The following KIFAP3 variants were observed in gnomAD, a reference collection of about 807,000 sequenced individuals.
The protein encoded by KIFAP3 is kinesin associated protein 3.
Under a neutral mutation model 106.5 loss-of-function variants are expected in KIFAP3, and 68 were observed. The observed-to-expected ratio is 0.64, with a 90% CI of 0.53 to 0.78. The LOEUF is 0.78. Ranked by LOEUF, KIFAP3 falls within the 30% of genes least tolerant of loss-of-function variation. The pLI is 0.00. For synonymous variants in KIFAP3, 320 were observed against 311.5 expected (o/e 1.03, Z -0.29); for missense variants, 780 against 941.8 (o/e 0.83, Z 2.25).
At chr1:169,994,745 T>C (rs1249377286) in intron 10 of KIFAP3, among the ~76,000 whole-genome samples, 2 of 151,946 alleles carry the variant, frequency 1.3e-5, no homozygotes, top group African/African-American at 4.8e-5. Context: ...GTATTATTTA[T>C]AGAAAAATTA....
At chr1:170,006,299 T>C (rs1667957616) in intron 10 of KIFAP3, among the ~76,000 whole-genome samples, 4 of 152,284 alleles carry the variant, frequency 2.6e-5, no homozygotes, top group African/African-American at 7.2e-5. Context: ...ATTGAGAACA[T>C]ACAATGTGCT....
At chr1:169,954,431 A>T (rs1664900357) in intron 18 of KIFAP3, among the ~76,000 whole-genome samples, 1 of 152,198 alleles carries the variant, frequency 6.6e-6, no homozygotes, top group Non-Finnish European at 1.5e-5. Context: ...AAGGAAGGGA[A>T]GCAAGGTGGG....
upstream of KIFAP3, among the ~76,000 whole-genome samples, chr1:170,079,036 A>G (rs536628032): frequency 5.1e-4 from 77 of 152,322 alleles, no homozygotes; most frequent in African/African-American, 1.8e-3. Context: ...TAGTTTGCAT[A>G]CTTGACCCTC....
At chr1:170,039,142 T>G in intron 4 of KIFAP3, 91 bp downstream of exon 4, 1 of 492,832 alleles carries the variant, frequency 2.0e-6, no homozygotes, top group Non-Finnish European at 3.4e-6. Flanking sequence ...AAATACCACA[T>G]GTGCTTAATG....
chr1:169,953,198 A>G (rs982421894), intron 19 of KIFAP3, among the ~76,000 whole-genome samples: 5 of 152,136 alleles, frequency 3.3e-5, no homozygotes, highest in African/African-American at 1.2e-4. Flanking sequence ...TATGTAATAA[A>G]GCTGGATATA....
chr1:170,016,036 ACCCTTTTTAACTTAGTAACAAAAAGTTTC>A (rs1668495463), intron 10 of KIFAP3, among the ~76,000 whole-genome samples: 1 of 152,032 alleles, frequency 6.6e-6, no homozygotes, highest in Non-Finnish European at 1.5e-5. Context: ...AAAAAAATAT[ACCCTTTTTAACTTAGTAACAAAAAGTTTC>A]CACAAATTAG....
At chr1:170,077,015 A>C (rs1403674144), upstream of KIFAP3, among the ~76,000 whole-genome samples, 2 of 152,180 alleles carry the variant, frequency 1.3e-5, no homozygotes, top group Non-Finnish European at 2.9e-5. Context: ...TGCACCAATC[A>C]GCACTCTGGG....
rs201373496 is a variant in KIFAP3, at chr1:170,034,525, T to C, written c.618-29A>G. The stretch of plus-strand genomic sequence containing the variant: ...TAAAGAAGACATTTTAATATATATT[T>C]AAAAGAATACATTTTATGGGTACAG... On this transcript the variant is annotated intron_variant, in intron 6 of 19. Coordinates refer to ENST00000361580, the MANE Select transcript of KIFAP3 (RefSeq NM_014970.4). 4.0e-4 allele frequency: 493 copies of C among 1,218,142 alleles called. 1 individual carries two copies. The highest frequency in any genetic ancestry group is 4.6e-4 in the Non-Finnish European group (402 of 879,036). 75.5% of individuals were successfully genotyped at this position (1,218,142 alleles called of 1,614,324 possible).
chr1:169,959,860 C>T (rs1054581281), intron 18 of KIFAP3, among the ~76,000 whole-genome samples: 2 of 152,046 alleles, frequency 1.3e-5, no homozygotes, highest in African/African-American at 2.4e-5. Flanking sequence ...CATTACTGAA[C>T]TAAGAAATTC....
intron 19 of KIFAP3, among the ~76,000 whole-genome samples, chr1:169,923,878 A>G (rs1662966532): frequency 1.3e-5 from 2 of 152,326 alleles, no homozygotes; most frequent in Middle Eastern, 3.4e-3. Flanking sequence ...CTGGTAAGCT[A>G]TAACACCATA....
In KIFAP3 at chr1:170,074,557, C is replaced by T; in HGVS notation, c.-90G>A. ...GGACGGTGGCCAAAGTACCCTCACACCCAGAGGCGATGACAGTCCTGAGGC... is the reference window on the plus strand; with the variant it reads ...GGACGGTGGCCAAAGTACCCTCACATCCAGAGGCGATGACAGTCCTGAGGC... On this transcript the variant is annotated 5_prime_UTR_variant, in exon 1 of 20. The change creates a new upstream start codon in the 5' untranslated region. Coordinates refer to ENST00000361580, the MANE Select transcript of KIFAP3 (RefSeq NM_014970.4). 1.3e-6 allele frequency: 2 copies of T among 1,597,424 alleles called. No homozygotes were observed. Among genetic ancestry groups the T allele is most frequent in the Non-Finnish European group, 1.7e-6 (2 of 1,172,268 alleles).
chr1:169,960,921 A>T (rs184621743), intron 18 of KIFAP3, 125 bp downstream of exon 18: 2 of 653,792 alleles, frequency 3.1e-6, no homozygotes, highest in Non-Finnish European at 4.9e-6. Context: ...TACATCTAAA[A>T]TCATTAGCAG....
intron 11 of KIFAP3, among the ~76,000 whole-genome samples, chr1:169,984,932 G>A (rs895604462): frequency 6.6e-6 from 1 of 151,762 alleles, no homozygotes; most frequent in Non-Finnish European, 1.5e-5. Context: ...GAGAATATAA[G>A]AGAAATATTA....
rs116283712 is a variant in KIFAP3 at position 170,035,424 on chromosome 1, G to A, written c.617+30C>T. Reference sequence around the variant, plus strand: ...GACAAAGAGCAATAGAGATACAGTAGCCTTTTTATTTAATAATTTTTATAC... The same window carrying A: ...GACAAAGAGCAATAGAGATACAGTAACCTTTTTATTTAATAATTTTTATAC... On this transcript the variant is annotated intron_variant, in intron 6 of 19. Transcript: ENST00000361580. 5.4e-3 allele frequency: 7,349 copies of A among 1,358,528 alleles called. 173 individuals are homozygous for A. The highest frequency in any genetic ancestry group is 0.05 in the South Asian group (3,888 of 78,020). The allele number at this position is 1,358,528 out of a possible 1,614,324, so 84.2% of individuals were successfully genotyped here.
chr1:170,027,333 A>G (rs950864229), intron 8 of KIFAP3, among the ~76,000 whole-genome samples: 1 of 152,062 alleles, frequency 6.6e-6, no homozygotes, highest in African/African-American at 2.4e-5. Context: ...TCTTGCTTCT[A>G]ATCAAAGATT....
In KIFAP3 at chr1:169,932,690, C is replaced by CT. The variant is rs555128734; in HGVS notation, c.2274-10910dup. Among the ~76,000 whole-genome samples, 236 of 129,152 alleles carry CT rather than the reference C, an allele frequency of 1.8e-3. 1 individual carries two copies. Among genetic ancestry groups the CT allele is most frequent in the African/African-American group, 4.2e-3 (144 of 34,452 alleles). The allele number at this position is 129,152 out of a possible 152,430, so 84.7% of individuals were successfully genotyped here. ...AAAACACTACTGACATAACACCAGA[C>CT]TTTTTTTTTTTTTTAATTAATGTTA... On this transcript the variant is annotated intron_variant, in intron 19 of 19. Transcript: ENST00000361580.
intron 1 of KIFAP3, among the ~76,000 whole-genome samples, chr1:170,079,852 T>A (rs1216454945): frequency 1.3e-5 from 2 of 151,912 alleles, no homozygotes; most frequent in African/African-American, 4.8e-5. Flanking sequence ...GTAAATTGCT[T>A]TGGCTAGTAT....
At chr1:169,968,403 T>A (rs549431460) in intron 17 of KIFAP3, among the ~76,000 whole-genome samples, 1 of 151,976 alleles carries the variant, frequency 6.6e-6, no homozygotes, top group African/African-American at 2.4e-5. Flanking sequence ...CAGAGCTACA[T>A]AGATCTGCTT....
At position 170,041,562 on chromosome 1, in the gene KIFAP3, G is replaced by A. The variant is rs897883943; in HGVS notation, c.320-2274C>T. On this transcript the variant is annotated intron_variant, in intron 3 of 19. Transcript: ENST00000361580. Reference sequence around the variant, plus strand: ...ATACCCCTCGTAGGCATCTGCCTGTGGCTCGGTGACCTCTTAGCATTTCAG... The same window carrying A: ...ATACCCCTCGTAGGCATCTGCCTGTAGCTCGGTGACCTCTTAGCATTTCAG... The A allele has an allele frequency of 1.1e-5, 8 of 699,092 alleles. 1 individual carries two copies. The African/African-American group carries it at 1.4e-4, about 12-fold the overall frequency. 43.3% of individuals were successfully genotyped at this position (699,092 alleles called of 1,614,324 possible). A position where few individuals can be genotyped will look rare whatever the true frequency, so the allele number is the denominator to read the frequency against.
Sources: gnomAD v4.1 joint callset for allele counts (sites outside exome capture counted in the v4.1 genomes callset) on GRCh38, gnomAD v4.1.1 for gene constraint, MANE v1.5 for transcripts, NCBI Gene and HGNC (gene_info 2026-07-23, HGNC 2026-07-21) for gene names.